Variants in SPECC1L observed in about 807,000 individuals in gnomAD.
SPECC1L encodes the protein sperm antigen with calponin homology and coiled-coil domains 1 like.
Under a neutral mutation model 116.8 loss-of-function variants are expected in SPECC1L, and 40 were observed. That is an observed-to-expected ratio of 0.34 (90% CI 0.27 to 0.45). The LOEUF (loss-of-function observed/expected upper bound fraction) is 0.45, where lower values mean the gene tolerates loss of function less well. Ranked by LOEUF, SPECC1L falls within the 20% of genes least tolerant of loss-of-function variation. The pLI, the probability that SPECC1L is intolerant of heterozygous loss-of-function variation, is 1.00. For missense variants in SPECC1L, 1,110 were observed against 1,373.6 expected, an observed-to-expected ratio of 0.81 and a Z score of 3.03; for synonymous variants, 504 against 500.6, an observed-to-expected ratio of 1.01 and a Z score of -0.09.
At chr22:24,333,397 A>G (rs1409766864) in intron 8 of SPECC1L, among the ~76,000 whole-genome samples, 1 of 152,166 alleles carries the variant, frequency 6.6e-6, no homozygotes, top group Non-Finnish European at 1.5e-5. Flanking sequence ...ACATATACAA[A>G]CTCTGCAATT....
At chr22:24,375,957 A>C (rs549762169) in intron 14 of SPECC1L, among the ~76,000 whole-genome samples, 1 of 151,580 alleles carries the variant, frequency 6.6e-6, no homozygotes, top group East Asian at 1.9e-4. Flanking sequence ...CTCAAAACAA[A>C]CAAACAAACA....
At chr22:24,296,693 G>C (rs1200864927) in intron 2 of SPECC1L, among the ~76,000 whole-genome samples, 1 of 152,272 alleles carries the variant, frequency 6.6e-6, no homozygotes, top group Non-Finnish European at 1.5e-5. Flanking sequence ...AGGGGCTCTA[G>C]GGAGGAGTGT....
chr22:24,334,464 T>G lies in SPECC1L; in HGVS notation c.2451T>G (p.Asp817Glu). The change falls in exon 9 of 17, where the codon GAT (aspartate) becomes GAG (glutamate). Residue 817 changes from aspartate to glutamate, a missense_variant. This residue lies in a region of SPECC1L where 575 missense variants were observed against 682.4 expected (regional missense o/e 0.84). Coordinates refer to ENST00000314328, the MANE Select transcript of SPECC1L (RefSeq NM_015330.6). The part of the protein sequence containing the change: ...VYNYMNAVER[D>E]LAALRQGMGL... ...ATTACATGAATGCCGTTGAGAGAGA[T>G]TTGGCAGCCTTAAGGCAGGGAATGG... 6.2e-7 allele frequency: 1 copy of G among 1,613,992 alleles called. No homozygotes were observed. The highest frequency in any genetic ancestry group is 8.5e-7 in the Non-Finnish European group (1 of 1,179,976).
chr22:24,360,629 G>C (rs1293753896), intron 11 of SPECC1L, among the ~76,000 whole-genome samples: 1 of 152,126 alleles, frequency 6.6e-6, no homozygotes, highest in Non-Finnish European at 1.5e-5. Context: ...CAGTTTTCAT[G>C]TAGGGAATGA....
intron 16 of SPECC1L, among the ~76,000 whole-genome samples, chr22:24,413,270 C>T (rs1369122031): frequency 6.6e-6 from 1 of 152,190 alleles, no homozygotes; most frequent in Non-Finnish European, 1.5e-5. Context: ...AGGCCTCTCA[C>T]GCTTCTACCT....
At chr22:24,274,856 T>C (rs1362464170) in intron 1 of SPECC1L, among the ~76,000 whole-genome samples, 1 of 152,228 alleles carries the variant, frequency 6.6e-6, no homozygotes, top group African/African-American at 2.4e-5. Context: ...TACCTCTGTT[T>C]AGGTGCTTCA....
At chr22:24,271,806 A>G (rs2048732803) in intron 1 of SPECC1L, among the ~76,000 whole-genome samples, 1 of 152,248 alleles carries the variant, frequency 6.6e-6, no homozygotes, top group South Asian at 2.1e-4. Context: ...AAGGGCGAGG[A>G]AAAGATTCCC....
intron 10 of SPECC1L, among the ~76,000 whole-genome samples, chr22:24,346,216 C>T (rs912658208): frequency 2.6e-5 from 4 of 152,040 alleles, no homozygotes; most frequent in Non-Finnish European, 4.4e-5. Context: ...CTATATTGGC[C>T]AGGCTGGTCT....
At chr22:24,412,866 G>C (rs1189457311) in intron 16 of SPECC1L, among the ~76,000 whole-genome samples, 159 bp downstream of exon 16, 1 of 152,076 alleles carries the variant, frequency 6.6e-6, no homozygotes, top group Non-Finnish European at 1.5e-5. Flanking sequence ...TCCCGTCAAG[G>C]GTGGGTGCAG....
intron 14 of SPECC1L, among the ~76,000 whole-genome samples, chr22:24,395,112 G>A (rs1463877469): frequency 6.6e-6 from 1 of 152,202 alleles, no homozygotes; most frequent in Non-Finnish European, 1.5e-5. Flanking sequence ...ACAGGCATGA[G>A]CCACAGCGCC....
Position 24,367,977 on chromosome 22 carries a change from G to A in SPECC1L, c.2985-1241G>A, listed in dbSNP as rs566444134. ...ACTCCCTTTCTCTGGGTATTCCTTG[G>A]TGTTCTGTTCCACTTCCAGAGTGTG... On this transcript the variant is annotated intron_variant, in intron 13 of 16. Coordinates refer to ENST00000314328, the MANE Select transcript of SPECC1L (RefSeq NM_015330.6). 2.6e-5 allele frequency among the ~76,000 whole-genome samples: 4 copies of A among 152,256 alleles called. No individual in the cohort carries two copies. In the East Asian group the frequency reaches 7.7e-4, roughly 29 times the overall value.
Position 24,330,310 on chromosome 22 carries a change from A to T in SPECC1L, c.2275A>T (p.Ile759Phe). ...GGCTGATCTCCAGACTGCAGTAGTC[A>T]TTGCAAATGACATTAAATCTGAAGC... Reference protein sequence around the residue: ...FQADLQTAVVIANDIKSEAQE... With the variant: ...FQADLQTAVVFANDIKSEAQE... The change falls in exon 8 of 17, where the codon ATT becomes TTT. Residue 759 changes from isoleucine to phenylalanine, a missense_variant. By Grantham distance (21) the Ile-to-Phe change is conservative. Around this residue, in one of 4 missense-constraint regions of SPECC1L, gnomAD observed 575 missense variants for 682.4 expected, o/e 0.84. Coordinates refer to ENST00000314328, the MANE Select transcript of SPECC1L (RefSeq NM_015330.6). 1 of 1,614,218 alleles carries T rather than the reference A, an allele frequency of 6.2e-7. No individual in the cohort carries two copies. Among genetic ancestry groups the T allele is most frequent in the African/African-American group, 1.3e-5 (1 of 75,056 alleles).
Position 24,317,605 on chromosome 22 carries a change from G to C in SPECC1L, c.308-3683G>C, listed in dbSNP as rs1443691765. 3.6e-3 allele frequency among the ~76,000 whole-genome samples: 536 copies of C among 149,962 alleles called. 6 individuals are homozygous for C. Among genetic ancestry groups the C allele is most frequent in the African/African-American group, 0.012 (503 of 40,716 alleles). On this transcript the variant is annotated intron_variant, in intron 4 of 16. Transcript: ENST00000314328. ...TCCCGGACGGGGCGGCTGGCCGGGC[G>C]GGGGGCTGATCCCCCCACCTCCCTC...
chr22:24,406,757 C>T (rs1208333073), intron 14 of SPECC1L, among the ~76,000 whole-genome samples: 2 of 152,194 alleles, frequency 1.3e-5, no homozygotes, highest in Non-Finnish European at 2.9e-5. Flanking sequence ...ATTAACGGGC[C>T]GTGGTGGCCG....
At chr22:24,279,255 T>C (rs1391080346) in intron 2 of SPECC1L, among the ~76,000 whole-genome samples, 3 of 152,254 alleles carry the variant, frequency 2.0e-5, no homozygotes, top group African/African-American at 4.8e-5. Flanking sequence ...AAGAAAAGGA[T>C]ATCCTTCCTG....
chr22:24,402,195 C>T (rs2042493329), intron 14 of SPECC1L, among the ~76,000 whole-genome samples: 1 of 147,562 alleles, frequency 6.8e-6, no homozygotes, highest in Admixed American at 6.8e-5. Context: ...CAGAGATTGG[C>T]CCTGCTTCAG....
Position 24,365,597 on chromosome 22 carries a change from G to A in SPECC1L, c.2949G>A (p.Thr983=), listed in dbSNP as rs201636134. 9.2e-5 allele frequency: 149 copies of A among 1,613,996 alleles called. No homozygotes were observed. Among genetic ancestry groups the A allele is most frequent in the Non-Finnish European group, 1.2e-4 (141 of 1,180,044 alleles). ...SPQLSLSSSP[T]ASVTPTTRSR... ...AGCTTTCCCTGTCCTCTTCTCCAAC[G>A]GCATCTGTGACTCCCACCACCCGAA... Residue 983 remains threonine, a synonymous_variant, in exon 13 of 17, where the codon ACG becomes ACA. Transcript: ENST00000314328.
intron 14 of SPECC1L, among the ~76,000 whole-genome samples, chr22:24,393,153 A>T (rs1414830755): frequency 6.6e-6 from 1 of 152,226 alleles, no homozygotes; most frequent in African/African-American, 2.4e-5. Context: ...CTTCTGAAGA[A>T]GATGTGGGGC....
chr22:24,309,026 C>T (rs1476197593), intron 3 of SPECC1L, among the ~76,000 whole-genome samples: 5 of 152,108 alleles, frequency 3.3e-5, no homozygotes, highest in East Asian at 3.9e-4. Context: ...TGTACCTTTT[C>T]GGTCCCAGCC....
Sources: allele counts gnomAD v4.1 joint callset (sites outside exome capture counted in the v4.1 genomes callset), GRCh38; gene constraint gnomAD v4.1.1; regional missense constraint gnomAD v4.1.1; transcripts MANE v1.5; gene names NCBI Gene and HGNC (gene_info 2026-07-23, HGNC 2026-07-21).